CYP39A1: variants seen among roughly 807,000 people sequenced by gnomAD.
CYP39A1 encodes the protein 24-hydroxycholesterol 7-alpha-hydroxylase.
Under a neutral mutation model 58.1 loss-of-function variants are expected in CYP39A1, and 49 were observed. The observed-to-expected ratio is 0.84, with a 90% confidence interval of 0.67 to 1.07. The LOEUF is 1.07. Ranked by LOEUF, CYP39A1 falls within the 50% of genes least tolerant of loss-of-function variation. The pLI, the probability that CYP39A1 is intolerant of heterozygous loss-of-function variation, is 0.00. For synonymous variants in CYP39A1, 209 were observed against 187.6 expected (o/e 1.11, Z -0.93); for missense variants, 531 against 539.4 (o/e 0.98, Z 0.16).
chr6:46,638,158 A>G (rs1330251304), intron 3 of CYP39A1, among the ~76,000 whole-genome samples, 180 bp from the exon 4 acceptor site: 1 of 152,244 alleles, frequency 6.6e-6, no homozygotes, highest in African/African-American at 2.4e-5. Context: ...TCAAGATAAT[A>G]CAGGGGGAAC....
intron 7 of CYP39A1, among the ~76,000 whole-genome samples, chr6:46,623,341 A>AG: frequency 6.6e-6 from 1 of 152,180 alleles, no homozygotes; most frequent in Non-Finnish European, 1.5e-5. Context: ...CCAGAGAAAC[A>AG]AAACTCAACA....
At chr6:46,561,976 T>C (rs1771001093) in intron 10 of CYP39A1, among the ~76,000 whole-genome samples, 1 of 152,160 alleles carries the variant, frequency 6.6e-6, no homozygotes, top group Admixed American at 6.6e-5. Context: ...TTGTATATCA[T>C]GGTGGCTACA....
Position 46,630,875 on chromosome 6 carries a change from G to C in CYP39A1, c.840+88C>G. 3 of 1,095,326 alleles carry C rather than the reference G, an allele frequency of 2.7e-6. No individual in the cohort carries two copies. In the South Asian group the frequency reaches 4.4e-5, roughly 16 times the overall value. The allele number at this position is 1,095,326 out of a possible 1,614,324, so 67.9% of individuals were successfully genotyped here. ...TCTTTTCCATAATGAGTGATGAGTGGAAAAAAGAATGGAAGACAGAAATGA... is the reference window on the plus strand; with the variant it reads ...TCTTTTCCATAATGAGTGATGAGTGCAAAAAAGAATGGAAGACAGAAATGA... On this transcript the variant is annotated intron_variant, in intron 6 of 11. Transcript: ENST00000275016.
intron 3 of CYP39A1, among the ~76,000 whole-genome samples, chr6:46,638,932 C>T (rs1305484403): frequency 1.3e-5 from 2 of 152,196 alleles, no homozygotes; most frequent in Non-Finnish European, 2.9e-5. Context: ...GGGCTGACTC[C>T]GTCTGCTGCT....
chr6:46,639,373 AT>A lies in CYP39A1; in HGVS notation c.488+120del. 3.3e-6 allele frequency: 3 copies of A among 920,926 alleles called. No homozygotes were observed. In the East Asian group the frequency reaches 7.8e-5, roughly 24 times the overall value. 57.0% of individuals were successfully genotyped at this position (920,926 alleles called of 1,614,324 possible). A position where few individuals can be genotyped will look rare whatever the true frequency, so the allele number is the denominator to read the frequency against. On this transcript the variant is annotated intron_variant, in intron 3 of 11. Coordinates refer to ENST00000275016, the MANE Select transcript of CYP39A1 (RefSeq NM_016593.5). The stretch of plus-strand genomic sequence containing the variant: ...TTTAAAAGATTAAAATAATCTCTTA[AT>A]AGCCTAGTTAGGTAGATTTCATTAA...
chr6:46,559,860 C>CCATT (rs776484133), intron 10 of CYP39A1, among the ~76,000 whole-genome samples: 24 of 152,070 alleles, frequency 1.6e-4, no homozygotes, highest in Non-Finnish European at 3.2e-4. Flanking sequence ...AATAAGACCC[C>CCATT]CATTCATTCA....
chr6:46,589,589 G>T (rs1350995979), intron 8 of CYP39A1, among the ~76,000 whole-genome samples: 2 of 152,090 alleles, frequency 1.3e-5, no homozygotes, highest in Non-Finnish European at 2.9e-5. Flanking sequence ...GGCAATTTCA[G>T]AACTGGGAGA....
At chr6:46,568,205 T>C (rs1582306361) in intron 10 of CYP39A1, among the ~76,000 whole-genome samples, 2 of 152,164 alleles carry the variant, frequency 1.3e-5, no homozygotes, top group African/African-American at 4.8e-5. Flanking sequence ...GTGTATGTTC[T>C]CTGGAGAAAT....
intron 7 of CYP39A1, among the ~76,000 whole-genome samples, chr6:46,608,196 T>C (rs1038165775): frequency 1.3e-5 from 2 of 152,202 alleles, no homozygotes; most frequent in African/African-American, 4.8e-5. Context: ...AATTATTCAA[T>C]AGTTTTGGAA....
intron 7 of CYP39A1, among the ~76,000 whole-genome samples, chr6:46,619,991 T>C (rs1395413195): frequency 6.6e-6 from 1 of 152,172 alleles, no homozygotes; most frequent in Non-Finnish European, 1.5e-5. Context: ...AAGGATCTCC[T>C]AAAGTTCCCT....
intron 6 of CYP39A1, among the ~76,000 whole-genome samples, chr6:46,625,961 ACAGTAGT>A (rs1259983370): frequency 6.6e-6 from 1 of 152,142 alleles, no homozygotes; most frequent in Non-Finnish European, 1.5e-5. Context: ...CAACTGAAAC[ACAGTAGT>A]TTTAAATAAG....
At position 46,584,798 on chromosome 6, in the gene CYP39A1, G is replaced by A. The variant is rs561221640; in HGVS notation, c.1250+2279C>T. Among the ~76,000 whole-genome samples the A allele has an allele frequency of 3.4e-4, 51 of 152,172 alleles. 1 individual carries two copies. The South Asian group carries it at 4.4e-3, about 13-fold the overall frequency. The stretch of plus-strand genomic sequence containing the variant: ...GTTGTCTCAAGCTAAAAGGTCTCCC[G>A]CCACTTTCCCCAGGAAATCTTCTGA... On this transcript the variant is annotated intron_variant, in intron 10 of 11. Transcript: ENST00000275016.
chr6:46,590,941 T>G (rs1015625073), intron 8 of CYP39A1, among the ~76,000 whole-genome samples: 4 of 152,188 alleles, frequency 2.6e-5, no homozygotes, highest in African/African-American at 4.8e-5. Flanking sequence ...CCTACTTTTT[T>G]TCCTGTGGTA....
intron 10 of CYP39A1, among the ~76,000 whole-genome samples, chr6:46,568,382 T>G (rs1244660067): frequency 6.6e-6 from 1 of 152,188 alleles, no homozygotes; most frequent in African/African-American, 2.4e-5. Context: ...TGTCTTTTGA[T>G]GCACAAAATT....
At chr6:46,651,039 G>A (rs1762653497) in intron 1 of CYP39A1, among the ~76,000 whole-genome samples, 1 of 152,212 alleles carries the variant, frequency 6.6e-6, no homozygotes, top group Non-Finnish European at 1.5e-5. Context: ...CAGGATTTGA[G>A]AAGTTAGGCA....
chr6:46,557,222 C>T (rs1009407780), intron 10 of CYP39A1, among the ~76,000 whole-genome samples: 11 of 151,782 alleles, frequency 7.2e-5, no homozygotes, highest in Non-Finnish European at 1.5e-4. Context: ...GTCTAACATA[C>T]ATGTTATTAG....
At chr6:46,632,145 C>T (rs1013635094) in intron 5 of CYP39A1, among the ~76,000 whole-genome samples, 1 of 151,818 alleles carries the variant, frequency 6.6e-6, no homozygotes, top group African/African-American at 2.4e-5. Flanking sequence ...GAGAATAGAG[C>T]ATGGCAATGG....
intron 10 of CYP39A1, among the ~76,000 whole-genome samples, chr6:46,585,478 T>A (rs940756749): frequency 6.6e-6 from 1 of 152,072 alleles, no homozygotes; most frequent in Admixed American, 6.6e-5. Context: ...AAACAAAAAA[T>A]TTGTTATTGG....
chr6:46,571,910 T>G (rs1204166389), intron 10 of CYP39A1, among the ~76,000 whole-genome samples: 1 of 152,102 alleles, frequency 6.6e-6, no homozygotes, highest in Non-Finnish European at 1.5e-5. Context: ...CTTTTAGCTT[T>G]GTGGTCACTA....
Sources: gnomAD v4.1 joint callset for allele counts (sites outside exome capture counted in the v4.1 genomes callset) on GRCh38, gnomAD v4.1.1 for gene constraint, MANE v1.5 for transcripts, NCBI Gene and HGNC (gene_info 2026-07-23, HGNC 2026-07-21) for gene names.